The following LDLRAD3 variants were observed in gnomAD, a reference collection of about 807,000 sequenced individuals.
The protein encoded by LDLRAD3 is low-density lipoprotein receptor class A domain-containing protein 3.
In LDLRAD3, 20 loss-of-function variants were observed where a neutral mutation model predicts 29.4. The ratio of observed to expected loss-of-function variants is 0.68; its 90% CI spans 0.48 to 0.99. LDLRAD3 has a LOEUF of 0.99. LDLRAD3 is among the 50% of genes least tolerant of loss of function. The pLI is 0.00. For synonymous variants in LDLRAD3, 157 were observed against 192.7 expected, an observed-to-expected ratio of 0.81 and a Z score of 1.53; for missense variants, 420 against 454.3, an observed-to-expected ratio of 0.92 and a Z score of 0.69.
chr11:36,204,415 A>G (rs1233065399), intron 4 of LDLRAD3, among the ~76,000 whole-genome samples: 1 of 151,958 alleles, frequency 6.6e-6, no homozygotes, highest in East Asian at 1.9e-4. Context: ...TTCTCCTCCC[A>G]TGTCCCTCCT....
Position 36,227,438 on chromosome 11 carries a change from C to T in LDLRAD3, c.800+8C>T. 1 of 1,544,766 alleles carries T rather than the reference C, an allele frequency of 6.5e-7. No homozygotes were observed. On this transcript the variant is annotated splice_region_variant and intron_variant, in intron 5 of 5. Coordinates refer to ENST00000315571, the MANE Select transcript of LDLRAD3 (RefSeq NM_174902.4). ...GGCCTTGCTGGACCAGAGGTGTGTG[C>T]TGGATGGAAGAGATTGAGGCGGGAG...
intron 4 of LDLRAD3, among the ~76,000 whole-genome samples, chr11:36,225,735 C>T (rs1855489313): frequency 6.6e-6 from 1 of 152,072 alleles, no homozygotes; most frequent in African/African-American, 2.4e-5. Context: ...AATCACACCA[C>T]CTACCCCATG....
At chr11:36,228,983 G>T (rs934453334) in intron 5 of LDLRAD3, among the ~76,000 whole-genome samples, 177 bp from the exon 6 acceptor site, 1 of 152,232 alleles carries the variant, frequency 6.6e-6, no homozygotes, top group African/African-American at 2.4e-5. Context: ...GGCCTTTTCT[G>T]TTCCGATGTG....
At chr11:35,988,133 C>T (rs1565144942) in intron 1 of LDLRAD3, among the ~76,000 whole-genome samples, 1 of 151,842 alleles carries the variant, frequency 6.6e-6, no homozygotes, top group Non-Finnish European at 1.5e-5. Context: ...TCACAACTCA[C>T]TGCAGTCTCA....
chr11:36,197,279 GAC>G (rs760921454), intron 4 of LDLRAD3: 4 of 152,174 alleles, frequency 2.6e-5, no homozygotes, highest in Non-Finnish European at 4.4e-5. Flanking sequence ...ACACGGAGAT[GAC>G]TTTTTCAGGA....
intron 4 of LDLRAD3, among the ~76,000 whole-genome samples, chr11:36,118,846 C>G (rs1204552925): frequency 6.6e-6 from 1 of 152,128 alleles, no homozygotes; most frequent in East Asian, 1.9e-4. Flanking sequence ...TATGAACTCC[C>G]TGCACCTTTC....
intron 3 of LDLRAD3, among the ~76,000 whole-genome samples, chr11:36,095,779 C>T (rs891202202): frequency 2.0e-5 from 3 of 152,140 alleles, no homozygotes; most frequent in African/African-American, 4.8e-5. Context: ...AGCTTATGAA[C>T]GCCCCGTCTT....
At chr11:36,057,744 A>G (rs936991428) in intron 2 of LDLRAD3, among the ~76,000 whole-genome samples, 1 of 152,036 alleles carries the variant, frequency 6.6e-6, no homozygotes, top group Non-Finnish European at 1.5e-5. Context: ...CATCTAATAC[A>G]TTTTCCCTTG....
Position 36,231,878 on chromosome 11 carries a change from CTT to C in LDLRAD3, c.*2487_*2488del, listed in dbSNP as rs1005816357. The C allele has an allele frequency of 6.6e-6, 1 of 152,174 alleles. No individual in the cohort carries two copies. The highest frequency in any genetic ancestry group is 1.5e-5 in the Non-Finnish European group (1 of 68,012). 9.4% of individuals were successfully genotyped at this position (152,174 alleles called of 1,614,324 possible). On this transcript the variant is annotated 3_prime_UTR_variant, in exon 6 of 6. Transcript: ENST00000315571. ...CGCCAACCAGAAAATAGTCTCATCT[CTT>C]TTTTTCTCAAATGAGATCCGTGTTT... is the stretch of plus-strand genomic sequence containing the variant.
chr11:36,035,274 A>G (rs1446178314), intron 1 of LDLRAD3, among the ~76,000 whole-genome samples: 2 of 151,522 alleles, frequency 1.3e-5, no homozygotes, highest in African/African-American at 4.9e-5. Context: ...GGTCAGATCG[A>G]TCAGATCCTG....
At chr11:36,026,708 T>C (rs1852171770) in intron 1 of LDLRAD3, among the ~76,000 whole-genome samples, 1 of 152,208 alleles carries the variant, frequency 6.6e-6, no homozygotes, top group Admixed American at 6.5e-5. Flanking sequence ...CTAATTACGA[T>C]GCATTAGCAT....
chr11:36,078,079 T>C (rs896838689), intron 2 of LDLRAD3, among the ~76,000 whole-genome samples: 2 of 152,144 alleles, frequency 1.3e-5, no homozygotes, highest in South Asian at 4.1e-4. Context: ...GGGTAGCTCC[T>C]CTCTGCAGCT....
chr11:35,982,963 C>T (rs1254786985), intron 1 of LDLRAD3, among the ~76,000 whole-genome samples: 1 of 149,920 alleles, frequency 6.7e-6, no homozygotes, highest in African/African-American at 2.5e-5. Flanking sequence ...AAGTGATTCT[C>T]CTGCCTCAGC....
intron 4 of LDLRAD3, among the ~76,000 whole-genome samples, chr11:36,185,234 C>A (rs1036918626): frequency 4.6e-5 from 7 of 151,496 alleles, no homozygotes; most frequent in African/African-American, 1.7e-4. Flanking sequence ...TGACCTTTGC[C>A]CAGATCTTTC....
At chr11:36,126,069 C>T (rs779331125) in intron 4 of LDLRAD3, among the ~76,000 whole-genome samples, 15 of 152,202 alleles carry the variant, frequency 9.9e-5, no homozygotes, top group African/African-American at 3.4e-4. Flanking sequence ...CCACCCTTCA[C>T]GTACAGTGCT....
chr11:36,202,864 G>T (rs910193696), intron 4 of LDLRAD3, among the ~76,000 whole-genome samples: 1 of 152,160 alleles, frequency 6.6e-6, no homozygotes, highest in African/African-American at 2.4e-5. Flanking sequence ...GGCACTGGCA[G>T]CAGCAGCTGC....
intron 1 of LDLRAD3, chr11:35,967,498 C>A: frequency 2.8e-6 from 1 of 358,648 alleles, no homozygotes; most frequent in Non-Finnish European, 5.4e-6. Context: ...CTTGCAAAAT[C>A]TCATTTGCTA....
intron 4 of LDLRAD3, among the ~76,000 whole-genome samples, chr11:36,172,642 A>G (rs1197586104): frequency 6.6e-6 from 1 of 152,036 alleles, no homozygotes; most frequent in Non-Finnish European, 1.5e-5. Context: ...TGACTTGCGT[A>G]TATTAAACCA....
At chr11:36,078,724 C>T in intron 2 of LDLRAD3, among the ~76,000 whole-genome samples, 1 of 152,178 alleles carries the variant, frequency 6.6e-6, no homozygotes, top group Non-Finnish European at 1.5e-5. Flanking sequence ...TGTGGCACTG[C>T]CCTGGGCCCA....
Sources: allele counts gnomAD v4.1 joint callset (sites outside exome capture counted in the v4.1 genomes callset), GRCh38; gene constraint gnomAD v4.1.1; transcripts MANE v1.5; gene names NCBI Gene and HGNC (gene_info 2026-07-23, HGNC 2026-07-21).